The following NKAIN3 variants were observed in gnomAD, a reference collection of about 807,000 sequenced individuals.
The protein encoded by NKAIN3 is sodium/potassium-transporting ATPase subunit beta-1-interacting protein 3.
NKAIN3 carries 25 observed loss-of-function variants against 30.2 expected under a neutral mutation model. That is an observed-to-expected ratio of 0.83 (90% CI 0.60 to 1.16). The LOEUF (loss-of-function observed/expected upper bound fraction) is 1.16, where lower values mean the gene tolerates loss of function less well. Among genes scored for constraint, NKAIN3 ranks in the 50% most tolerant of loss-of-function variants. NKAIN3 has a pLI of 0.00. For missense variants in NKAIN3, 225 were observed against 254.1 expected (o/e 0.89, Z 0.78); for synonymous variants, 91 against 89.6 (o/e 1.02, Z -0.09).
At chr8:62,907,506 T>A (rs1185361774) in intron 4 of NKAIN3, among the ~76,000 whole-genome samples, 1 of 152,180 alleles carries the variant, frequency 6.6e-6, no homozygotes, top group African/African-American at 2.4e-5. Context: ...TTCAGAGGTC[T>A]TCATGGCAGC....
intron 3 of NKAIN3, among the ~76,000 whole-genome samples, chr8:62,595,218 AT>A (rs896623794): frequency 3.3e-5 from 5 of 151,952 alleles, no homozygotes; most frequent in Middle Eastern, 3.4e-3. Context: ...ATGAATAGTT[AT>A]TTTTTCTGCT....
At chr8:62,552,695 A>T (rs1051199484) in intron 1 of NKAIN3, among the ~76,000 whole-genome samples, 1 of 152,192 alleles carries the variant, frequency 6.6e-6, no homozygotes. Context: ...CTTAACTTTC[A>T]CAAAAGAACT....
chr8:62,438,217 C>G (rs567959635), intron 1 of NKAIN3, among the ~76,000 whole-genome samples: 1 of 152,310 alleles, frequency 6.6e-6, no homozygotes, highest in African/African-American at 2.4e-5. Context: ...CTTGTCTGTG[C>G]TGCTTTCTGC....
chr8:62,918,182 T>C (rs1472731167), intron 4 of NKAIN3, among the ~76,000 whole-genome samples: 1 of 152,202 alleles, frequency 6.6e-6, no homozygotes, highest in Non-Finnish European at 1.5e-5. Flanking sequence ...GATTATAAAA[T>C]ACAGGAACTG....
At chr8:62,820,160 G>GA (rs1262886800) in intron 4 of NKAIN3, among the ~76,000 whole-genome samples, 2 of 152,154 alleles carry the variant, frequency 1.3e-5, no homozygotes, top group Non-Finnish European at 2.9e-5. Context: ...CTATAGGCAA[G>GA]AGATAACCAA....
intron 3 of NKAIN3, among the ~76,000 whole-genome samples, chr8:62,597,613 T>C (rs1810872566): frequency 6.6e-6 from 1 of 151,976 alleles, no homozygotes; most frequent in Non-Finnish European, 1.5e-5. Context: ...AACTGACCAA[T>C]GGCAAAAACA....
chr8:62,427,832 C>G (rs751861178), intron 1 of NKAIN3, among the ~76,000 whole-genome samples: 22 of 151,748 alleles, frequency 1.4e-4, no homozygotes, highest in Non-Finnish European at 2.7e-4. Context: ...ATTATCATGT[C>G]TTTGTACTGG....
chr8:62,621,573 T>A (rs1189816874), intron 3 of NKAIN3, among the ~76,000 whole-genome samples: 1 of 152,188 alleles, frequency 6.6e-6, no homozygotes, highest in African/African-American at 2.4e-5. Flanking sequence ...ATAAAAGCAT[T>A]TTCCTATGTC....
chr8:62,442,289 G>T (rs895038597), intron 1 of NKAIN3, among the ~76,000 whole-genome samples: 1 of 151,880 alleles, frequency 6.6e-6, no homozygotes, highest in African/African-American at 2.4e-5. Flanking sequence ...AATAGTCATT[G>T]TCTATTCATT....
In NKAIN3 at chr8:62,980,192, G is replaced by C. The variant is rs546177761; in HGVS notation, c.*14785G>C. The C allele has an allele frequency of 2.0e-5, 3 of 152,188 alleles. No individual in the cohort carries two copies. The East Asian group carries it at 5.8e-4, about 29-fold the overall frequency. The allele number at this position is 152,188 out of a possible 1,614,324, so 9.4% of individuals were successfully genotyped here. ...ACATGAAAATAGCTTACTTTTAACT[G>C]CTGGGTGTCAGTCTCTTCTAAAAAT... On this transcript the variant is annotated 3_prime_UTR_variant, in exon 7 of 7. Transcript: ENST00000623646.
Position 62,476,677 on chromosome 8 carries a change from G to T in NKAIN3, c.55-102862G>T, listed in dbSNP as rs186991475. On this transcript the variant is annotated intron_variant, in intron 1 of 6. Coordinates refer to ENST00000623646, the MANE Select transcript of NKAIN3 (RefSeq NM_001304533.3). ...TCACCATGTTGGCCAGGGTGGTCTC[G>T]ATGTCCTGACCTCGTGATCCTCCCG... Among the ~76,000 whole-genome samples the T allele has an allele frequency of 2.0e-5, 3 of 152,118 alleles. 1 individual carries two copies. In the East Asian group the frequency reaches 5.8e-4, roughly 30 times the overall value.
chr8:62,889,011 A>G (rs2130822648), intron 4 of NKAIN3, among the ~76,000 whole-genome samples: 1 of 152,320 alleles, frequency 6.6e-6, no homozygotes, highest in East Asian at 1.9e-4. Flanking sequence ...TGTGTCAGCA[A>G]TGGACTAGAT....
At chr8:62,840,163 T>C (rs1295745805) in intron 4 of NKAIN3, among the ~76,000 whole-genome samples, 1 of 152,092 alleles carries the variant, frequency 6.6e-6, no homozygotes, top group Non-Finnish European at 1.5e-5. Context: ...GAAACAAATA[T>C]ATTTCTGGCA....
Position 62,812,380 on chromosome 8 carries a change from T to C in NKAIN3, c.471+65251T>C, listed in dbSNP as rs546582321. Among the ~76,000 whole-genome samples, 44 of 152,026 alleles carry C rather than the reference T, an allele frequency of 2.9e-4. No homozygotes were observed. The East Asian group carries it at 6.9e-3, about 24-fold the overall frequency. ...TGTCAACAAAATCCCTGATGGGATCTTGTTAAAAATTGCATCAAATCTACA... is the reference window on the plus strand; with the variant it reads ...TGTCAACAAAATCCCTGATGGGATCCTGTTAAAAATTGCATCAAATCTACA... On this transcript the variant is annotated intron_variant, in intron 4 of 6. Coordinates refer to ENST00000623646, the MANE Select transcript of NKAIN3 (RefSeq NM_001304533.3).
rs1029366687 is a variant in NKAIN3 at position 62,249,014 on chromosome 8, C to A, written c.-60C>A. The A allele has an allele frequency of 1.4e-6, 2 of 1,455,414 alleles. No individual in the cohort carries two copies. The highest frequency in any genetic ancestry group is 1.9e-6 in the Non-Finnish European group (2 of 1,075,760). 90.2% of individuals were successfully genotyped at this position (1,455,414 alleles called of 1,614,324 possible). ...CGGGGACTACTCCGGAGTCAGGAGG[C>A]AGCAGCGGCGGAGGACGAGGATCTC... On this transcript the variant is annotated 5_prime_UTR_variant, in exon 1 of 7. Transcript: ENST00000623646.
chr8:62,502,758 T>C (rs1563428791), intron 1 of NKAIN3, among the ~76,000 whole-genome samples: 1 of 152,192 alleles, frequency 6.6e-6, no homozygotes, highest in Non-Finnish European at 1.5e-5. Flanking sequence ...ATGTAGCAGC[T>C]TGATGGGCAC....
chr8:62,610,763 C>T (rs1176099017), intron 3 of NKAIN3, among the ~76,000 whole-genome samples: 1 of 152,086 alleles, frequency 6.6e-6, no homozygotes, highest in Non-Finnish European at 1.5e-5. Flanking sequence ...TACTTTGTTG[C>T]ATCATATATT....
At chr8:62,863,634 T>C in intron 4 of NKAIN3, 6 of 1,232,826 alleles carry the variant, frequency 4.9e-6, no homozygotes, top group Non-Finnish European at 6.0e-6. Flanking sequence ...ATGTCTTTGT[T>C]TGGGTCACTG....
rs78715272 is a variant in NKAIN3 at position 62,476,413 on chromosome 8, C to T, written c.55-103126C>T. 2.7e-3 allele frequency among the ~76,000 whole-genome samples: 400 copies of T among 150,694 alleles called. 1 individual carries two copies. Among genetic ancestry groups the T allele is most frequent in the African/African-American group, 9.3e-3 (381 of 41,130 alleles). On this transcript the variant is annotated intron_variant, in intron 1 of 6. Transcript: ENST00000623646. Reference sequence around the variant, plus strand: ...CGTGCACATGTTAGACAGTTAGTATCTTTTTGTTTCTATGGTGATTTTTTG... The same window carrying T: ...CGTGCACATGTTAGACAGTTAGTATTTTTTTGTTTCTATGGTGATTTTTTG...
Sources: gnomAD v4.1 joint callset for allele counts (sites outside exome capture counted in the v4.1 genomes callset) on GRCh38, gnomAD v4.1.1 for gene constraint, MANE v1.5 for transcripts, NCBI Gene and HGNC (gene_info 2026-07-23, HGNC 2026-07-21) for gene names.